MIPOL1: variants seen among roughly 807,000 people sequenced by gnomAD.
The protein encoded by MIPOL1 is mirror-image polydactyly gene 1 protein.
Under a neutral mutation model 60.9 loss-of-function variants are expected in MIPOL1, and 57 were observed. That is an observed-to-expected ratio of 0.94 (90% CI 0.76 to 1.17). MIPOL1 has a LOEUF of 1.17. MIPOL1 is among the 50% of genes most tolerant of loss of function. The probability of loss-of-function intolerance (pLI) is 0.00; values close to 1 mark genes in which losing one functional copy is unlikely to be tolerated. For missense variants in MIPOL1, 551 were observed against 511.6 expected (o/e 1.08, Z -0.74); for synonymous variants, 179 against 168.8 (o/e 1.06, Z -0.47).
At chr14:37,402,678 G>C (rs181504833) in intron 10 of MIPOL1, among the ~76,000 whole-genome samples, 1 of 152,276 alleles carries the variant, frequency 6.6e-6, no homozygotes, top group Admixed American at 6.5e-5. Flanking sequence ...TGTGGCCTAA[G>C]TATTTTTAAA....
At chr14:37,455,818 T>C (rs1362684986) in intron 11 of MIPOL1, among the ~76,000 whole-genome samples, 1 of 152,160 alleles carries the variant, frequency 6.6e-6, no homozygotes, top group Non-Finnish European at 1.5e-5. Context: ...TTCATGCACT[T>C]TCAGAAATTT....
chr14:37,318,777 A>G (rs2088215234), intron 9 of MIPOL1, among the ~76,000 whole-genome samples: 1 of 151,398 alleles, frequency 6.6e-6, no homozygotes, highest in South Asian at 2.1e-4. Context: ...AGACATTCTC[A>G]TAATTTTACT....
At chr14:37,319,554 A>G (rs967310663) in intron 9 of MIPOL1, among the ~76,000 whole-genome samples, 7 of 152,190 alleles carry the variant, frequency 4.6e-5, no homozygotes, top group African/African-American at 1.4e-4. Flanking sequence ...TGAGGAGACC[A>G]ATGATTATGG....
chr14:37,269,403 A>G (rs2083119582), intron 5 of MIPOL1, among the ~76,000 whole-genome samples: 1 of 151,844 alleles, frequency 6.6e-6, no homozygotes, highest in African/African-American at 2.4e-5. Context: ...TTTAACCTCT[A>G]CATACTGCTC....
At chr14:37,217,844 C>T (rs1377200120) in intron 1 of MIPOL1, among the ~76,000 whole-genome samples, 2 of 152,136 alleles carry the variant, frequency 1.3e-5, no homozygotes, top group Non-Finnish European at 2.9e-5. Flanking sequence ...TAAGGATGCC[C>T]ACTTTCACCA....
At chr14:37,289,026 C>T (rs1379302233) in intron 7 of MIPOL1, among the ~76,000 whole-genome samples, 3 of 152,108 alleles carry the variant, frequency 2.0e-5, no homozygotes, top group East Asian at 1.9e-4. Flanking sequence ...TCTATAGCCA[C>T]GTTAGTTTTT....
intron 12 of MIPOL1, chr14:37,501,931 G>A (rs2095221714): frequency 1.3e-5 from 2 of 152,344 alleles, no homozygotes; most frequent in Admixed American, 1.3e-4. Context: ...CCAACCTGCA[G>A]ACCAGGAGAT....
At chr14:37,342,805 A>G (rs1254683883) in intron 9 of MIPOL1, among the ~76,000 whole-genome samples, 2 of 152,170 alleles carry the variant, frequency 1.3e-5, no homozygotes, top group African/African-American at 2.4e-5. Flanking sequence ...ATAAATAGCT[A>G]TACATCTTGG....
intron 12 of MIPOL1, chr14:37,504,346 A>T (rs1239083238): frequency 6.6e-6 from 1 of 152,232 alleles, no homozygotes; most frequent in Non-Finnish European, 1.5e-5. Context: ...AACTGACCAC[A>T]TAATTGGAAG....
chr14:37,245,719 T>C (rs1221533209), intron 1 of MIPOL1, among the ~76,000 whole-genome samples: 3 of 152,134 alleles, frequency 2.0e-5, no homozygotes, highest in South Asian at 2.1e-4. Flanking sequence ...TTGTGCTAAT[T>C]GCAATATTTT....
At chr14:37,468,539 T>C (rs1175545065) in intron 11 of MIPOL1, among the ~76,000 whole-genome samples, 4 of 152,194 alleles carry the variant, frequency 2.6e-5, no homozygotes, top group Non-Finnish European at 5.9e-5. Flanking sequence ...ATACCTTATC[T>C]TCTGCAGGGC....
chr14:37,227,799 A>G (rs1453941877), intron 1 of MIPOL1: 1 of 152,164 alleles, frequency 6.6e-6, no homozygotes, highest in Non-Finnish European at 1.5e-5. Context: ...TTGTTGTGGG[A>G]GAAGAGAAGG....
At chr14:37,391,850 C>T (rs921154687) in intron 10 of MIPOL1, among the ~76,000 whole-genome samples, 1 of 151,996 alleles carries the variant, frequency 6.6e-6, no homozygotes, top group Non-Finnish European at 1.5e-5. Context: ...TTATATTAGA[C>T]TGTTATAAGG....
intron 12 of MIPOL1, among the ~76,000 whole-genome samples, chr14:37,530,488 G>T (rs1172891294): frequency 6.6e-6 from 1 of 152,162 alleles, no homozygotes; most frequent in African/African-American, 2.4e-5. Context: ...TCTATGGAAT[G>T]ATAGCAATTT....
intron 12 of MIPOL1, among the ~76,000 whole-genome samples, chr14:37,520,203 A>G (rs1326440190): frequency 6.6e-6 from 1 of 152,110 alleles, no homozygotes; most frequent in East Asian, 1.9e-4. Context: ...GCATTGATAT[A>G]TTATCTCTAC....
At chr14:37,388,508 T>C (rs2093140779) in intron 10 of MIPOL1, among the ~76,000 whole-genome samples, 1 of 151,480 alleles carries the variant, frequency 6.6e-6, no homozygotes, top group Admixed American at 6.6e-5. Context: ...TTTTTACTTT[T>C]TTCAATCAAT....
intron 1 of MIPOL1, among the ~76,000 whole-genome samples, chr14:37,228,131 A>G (rs756670317): frequency 3.9e-5 from 6 of 152,210 alleles, no homozygotes; most frequent in Admixed American, 2.0e-4. Context: ...TTGGTGGGAC[A>G]GACAATGATT....
At chr14:37,245,698 G>C (rs1165520348) in intron 1 of MIPOL1, among the ~76,000 whole-genome samples, 1 of 152,094 alleles carries the variant, frequency 6.6e-6, no homozygotes, top group Non-Finnish European at 1.5e-5. Context: ...TTTTGAAGAA[G>C]TAAACATTTA....
chr14:37,346,415 A>G (rs1168431216), intron 9 of MIPOL1, among the ~76,000 whole-genome samples: 2 of 152,320 alleles, frequency 1.3e-5, no homozygotes, highest in South Asian at 2.1e-4. Context: ...TATTCCTTTT[A>G]TACTGGTAGC....
Sources: gnomAD v4.1 joint callset for allele counts (sites outside exome capture counted in the v4.1 genomes callset) on GRCh38, gnomAD v4.1.1 for gene constraint, MANE v1.5 for transcripts, NCBI Gene and HGNC (gene_info 2026-07-23, HGNC 2026-07-21) for gene names.